PNMA6E: variants seen among roughly 807,000 people sequenced by gnomAD.
PNMA6E encodes the protein paraneoplastic antigen Ma6E.
For synonymous variants in PNMA6E, 43 were observed against 17.1 expected, an observed-to-expected ratio of 2.52 and a Z score of -3.74; for missense variants, 78 against 50.8, an observed-to-expected ratio of 1.53 and a Z score of -1.63.
At chrX:153,409,263 G>A in the PNMA6E span, among the ~76,000 whole-genome samples, 1 of 113,211 alleles carries the variant, frequency 8.8e-6, no homozygotes, top group Non-Finnish European at 1.9e-5. Context: ...AGGGAGGAAA[G>A]GGGACCTCCC....
the PNMA6E span, among the ~76,000 whole-genome samples, chrX:153,407,171 C>A: frequency 8.9e-6 from 1 of 112,877 alleles, no homozygotes; most frequent in Non-Finnish European, 1.9e-5. Context: ...GGCACAGCCA[C>A]GCTCCAGCTC....
chrX:153,413,813 T>G, the PNMA6E span, among the ~76,000 whole-genome samples: 1 of 112,470 alleles, frequency 8.9e-6, no homozygotes, highest in African/African-American at 3.2e-5. Context: ...TGTCTTTCTT[T>G]CCAGGAGTTG....
Position 153,395,749 on chromosome X carries a change from C to G in PNMA6E, c.*1157G>C, listed in dbSNP as rs1569528968. The G allele has an allele frequency of 8.9e-6, 1 of 112,814 alleles. No individual in the cohort carries two copies. Among genetic ancestry groups the G allele is most frequent in the African/African-American group, 3.3e-5 (1 of 30,698 alleles). The allele number at this position is 112,814 out of a possible 1,213,427, so 9.3% of individuals were successfully genotyped here. On this transcript the variant is annotated 3_prime_UTR_variant, in exon 2 of 2. Transcript: ENST00000445091. Reference sequence around the variant, plus strand: ...AACAGCCACCACAGGACACAGGTCCCAGGCCCCCTCCTCCTGGGGTTCCTG... The same window carrying G: ...AACAGCCACCACAGGACACAGGTCCGAGGCCCCCTCCTCCTGGGGTTCCTG...
At chrX:153,411,749 G>A in the PNMA6E span, among the ~76,000 whole-genome samples, 6 of 112,811 alleles carry the variant, frequency 5.3e-5, no homozygotes, top group Non-Finnish European at 1.1e-4. Context: ...AAGCGGGTAA[G>A]GGGCCCGTCT....
chrX:153,412,145 A>G, the PNMA6E span, among the ~76,000 whole-genome samples: 1 of 112,653 alleles, frequency 8.9e-6, no homozygotes, highest in Middle Eastern at 4.6e-3. Flanking sequence ...ATTGTGCTCC[A>G]GAGGGTATCA....
chrX:153,412,069 G>A, the PNMA6E span, among the ~76,000 whole-genome samples: 1 of 113,068 alleles, frequency 8.8e-6, no homozygotes, highest in Admixed American at 9.2e-5. Flanking sequence ...CTGGCATTGT[G>A]AGGTTGTGGC....
upstream of PNMA6E, among the ~76,000 whole-genome samples, chrX:153,405,794 G>T (rs781995952): frequency 5.4e-5 from 6 of 111,274 alleles, no homozygotes; most frequent in Non-Finnish European, 1.1e-4. Context: ...AGAGGCTGCT[G>T]CCCTGGATGA....
In PNMA6E at chrX:153,396,827, G is replaced by C; in HGVS notation, c.*79C>G. 3.4e-6 allele frequency: 1 copy of C among 297,729 alleles called. No homozygotes were observed. The highest frequency in any genetic ancestry group is 4.8e-5 in the East Asian group (1 of 21,052). The allele number at this position is 297,729 out of a possible 1,213,427, so 24.5% of individuals were successfully genotyped here. A position where few individuals can be genotyped will look rare whatever the true frequency, so the allele number is the denominator to read the frequency against. The stretch of plus-strand genomic sequence containing the variant: ...CCTTACTCCTGAATGTGGGGTGAGG[G>C]ACTGGCCCTGGCCTGGCCTCTGTCT... On this transcript the variant is annotated 3_prime_UTR_variant, in exon 2 of 2. Coordinates refer to ENST00000445091, the MANE Select transcript of PNMA6E (RefSeq NM_001367770.1).
Position 153,398,732 on chromosome X carries a change from G to A in PNMA6E, c.118C>T (p.Arg40Trp), listed in dbSNP as rs1180045578. ...CTGCCCAGGGGCGACAGGGCAGCCCGCACGGCCTCCTGGAACTCATGTTCC... is the reference window on the plus strand; with the variant it reads ...CTGCCCAGGGGCGACAGGGCAGCCCACACGGCCTCCTGGAACTCATGTTCC... ...CKEHEFQEAV[R>W]AALSPLGRYR... The change falls in exon 2 of 2, where the codon CGG becomes TGG. Residue 40 changes from arginine (R) to tryptophan (W), a missense_variant. Arg to Trp is a moderately radical substitution (Grantham distance 101, BLOSUM62 -3). Transcript: ENST00000445091. 3 of 307,344 alleles carry A rather than the reference G, an allele frequency of 9.8e-6. No homozygotes were observed. The highest frequency in any genetic ancestry group is 1.7e-5 in the Non-Finnish European group (3 of 175,939). The allele number at this position is 307,344 out of a possible 1,213,427, so 25.3% of individuals were successfully genotyped here.
chrX:153,406,483 A>C, the PNMA6E span, among the ~76,000 whole-genome samples: 2 of 112,736 alleles, frequency 1.8e-5, no homozygotes, highest in Non-Finnish European at 3.8e-5. Flanking sequence ...AGAGAATTGC[A>C]TGTGCAAAGG....
chrX:153,401,986 A>G (rs1197493963), upstream of PNMA6E, among the ~76,000 whole-genome samples: 3 of 109,201 alleles, frequency 2.7e-5, no homozygotes, highest in Non-Finnish European at 5.7e-5. Flanking sequence ...TACCACGCCC[A>G]GCTAATTTTG....
the PNMA6E span, among the ~76,000 whole-genome samples, chrX:153,411,584 C>G: frequency 8.8e-6 from 1 of 113,039 alleles, no homozygotes; most frequent in Non-Finnish European, 1.9e-5. Context: ...CCCCACCCCC[C>G]GCCCGCGTTT....
In PNMA6E at chrX:153,395,950, A is replaced by G; in HGVS notation, c.*956T>C. 8.8e-6 allele frequency: 1 copy of G among 113,903 alleles called. No homozygotes were observed. The allele number at this position is 113,903 out of a possible 1,213,427, so 9.4% of individuals were successfully genotyped here. On this transcript the variant is annotated 3_prime_UTR_variant, in exon 2 of 2. Coordinates refer to ENST00000445091, the MANE Select transcript of PNMA6E (RefSeq NM_001367770.1). ...GGCCTTCACAGGACAGTCACAGAAC[A>G]CTGGGAAACACCAGGGAACACCCCA...
chrX:153,413,841 C>T, the PNMA6E span, among the ~76,000 whole-genome samples: 3 of 112,453 alleles, frequency 2.7e-5, no homozygotes, highest in East Asian at 2.8e-4. Flanking sequence ...AGATGATTTT[C>T]GGGAACTAGC....
At position 153,397,598 on chromosome X, in the gene PNMA6E, G is replaced by A. The variant is rs959136233; in HGVS notation, c.1252C>T (p.Pro418Ser). Residue 418 changes from proline (P) to serine (S), a missense_variant, in exon 2 of 2, where the codon CCC (proline) becomes TCC (serine). Pro to Ser is a moderately conservative substitution (Grantham distance 74). Coordinates refer to ENST00000445091, the MANE Select transcript of PNMA6E (RefSeq NM_001367770.1). ...RLKFLTCTQG[P>S]QEGLFAFVVR... is the part of the protein sequence containing the mutation. ...ACGAAGGCAAACAGCCCCTCCTGGG[G>A]CCCCTGCGTGCAGGTCAGGAACTTC... 2.2e-4 allele frequency: 66 copies of A among 297,908 alleles called. No homozygotes were observed. In the East Asian group the frequency reaches 2.8e-3, roughly 13 times the overall value. 24.6% of individuals were successfully genotyped at this position (297,908 alleles called of 1,213,427 possible).
At chrX:153,404,239 C>G (rs1556971806), upstream of PNMA6E, 1 of 110,129 alleles carries the variant, frequency 9.1e-6, no homozygotes, top group African/African-American at 3.3e-5. Flanking sequence ...CTCAGCCTCC[C>G]AAAGTGCTGG....
the PNMA6E span, among the ~76,000 whole-genome samples, chrX:153,408,298 T>G: frequency 8.9e-6 from 1 of 112,487 alleles, no homozygotes; most frequent in Admixed American, 9.3e-5. Context: ...CTGGGGCAGG[T>G]GCCCAGCTGA....
At chrX:153,411,885 G>T in the PNMA6E span, among the ~76,000 whole-genome samples, 2 of 22 alleles carry the variant, frequency 0.091, no homozygotes, top group East Asian at 0.2. Context: ...TACCAGGGGC[G>T]CCAGGGGAAG....
chrX:153,406,860 T>C, the PNMA6E span, among the ~76,000 whole-genome samples: 1 of 112,058 alleles, frequency 8.9e-6, no homozygotes, highest in Non-Finnish European at 1.9e-5. Flanking sequence ...GACAGTGTCA[T>C]GGAGCAGATA....
Sources: gnomAD v4.1 joint callset for allele counts (sites outside exome capture counted in the v4.1 genomes callset) on GRCh38, gnomAD v4.1.1 for gene constraint, MANE v1.5 for transcripts, NCBI Gene and HGNC (gene_info 2026-07-23, HGNC 2026-07-21) for gene names.